SLC9C2: variants seen among roughly 807,000 people sequenced by gnomAD.
SLC9C2 encodes sodium/hydrogen exchanger 11.
SLC9C2 carries 75 observed loss-of-function variants against 140.2 expected under a neutral mutation model. That is an observed-to-expected ratio of 0.53 (90% CI 0.44 to 0.65). SLC9C2 has a LOEUF of 0.65. Ranked by LOEUF, SLC9C2 falls within the 30% of genes least tolerant of loss-of-function variation. The pLI, the probability that SLC9C2 is intolerant of heterozygous loss-of-function variation, is 0.00. For missense variants in SLC9C2, 1,074 were observed against 1,331.8 expected (o/e 0.81, Z 3.01); for synonymous variants, 375 against 420.9 (o/e 0.89, Z 1.34).
At chr1:173,547,082 A>AAAAAAGAAT (rs1224705250) in intron 13 of SLC9C2, among the ~76,000 whole-genome samples, 1 of 152,090 alleles carries the variant, frequency 6.6e-6, no homozygotes, top group African/African-American at 2.4e-5. Context: ...AAAAGAAACT[A>AAAAAAGAAT]AAAAAGAATT....
intron 23 of SLC9C2, among the ~76,000 whole-genome samples, 159 bp from the exon 24 acceptor site, chr1:173,509,858 T>C (rs1047030127): frequency 4.6e-5 from 7 of 152,214 alleles, no homozygotes; most frequent in African/African-American, 1.4e-4. Context: ...ATTGTGAAAA[T>C]GGTTGTTTGC....
chr1:173,546,670 A>C (rs1289713322), intron 13 of SLC9C2, among the ~76,000 whole-genome samples: 4 of 152,174 alleles, frequency 2.6e-5, no homozygotes, highest in Admixed American at 2.0e-4. Context: ...GTTAACAGAG[A>C]TTTGAAGGAC....
At chr1:173,541,936 C>G (rs957941008) in intron 13 of SLC9C2, among the ~76,000 whole-genome samples, 4 of 152,056 alleles carry the variant, frequency 2.6e-5, no homozygotes, top group Non-Finnish European at 4.4e-5. Flanking sequence ...ACCCTAACAT[C>G]ACAATTAAAA....
chr1:173,534,044 AG>A (rs1388634231), intron 16 of SLC9C2, among the ~76,000 whole-genome samples: 1 of 152,170 alleles, frequency 6.6e-6, no homozygotes, highest in Non-Finnish European at 1.5e-5. Flanking sequence ...AGCAATAAAC[AG>A]ATTCATTGCA....
chr1:173,561,523 T>G (rs1664105396), intron 9 of SLC9C2, among the ~76,000 whole-genome samples: 1 of 152,176 alleles, frequency 6.6e-6, no homozygotes, highest in Admixed American at 6.5e-5. Flanking sequence ...TGTTCTACCC[T>G]TAGTTCCAGC....
intron 14 of SLC9C2, among the ~76,000 whole-genome samples, chr1:173,536,409 T>A (rs1376894939): frequency 6.6e-6 from 1 of 152,192 alleles, no homozygotes; most frequent in East Asian, 1.9e-4. Context: ...TATTATCTAA[T>A]GTTTGCCAGG....
chr1:173,550,872 AAGAGAGAGAGAG>A lies in SLC9C2; in HGVS notation c.1298-2332_1298-2321del, dbSNP rs143296396. On this transcript the variant is annotated intron_variant, in intron 11 of 27. Coordinates refer to ENST00000367714, the MANE Select transcript of SLC9C2 (RefSeq NM_178527.4). Reference sequence around the variant, plus strand: ...CCTGGGCAAGATAGTGAGCCGTTGAAAGAGAGAGAGAGAGAGAGAGAGAGAGAGAGAGAGAGA... The same window carrying A: ...CCTGGGCAAGATAGTGAGCCGTTGAAAGAGAGAGAGAGAGAGAGAGAGAGA... Among the ~76,000 whole-genome samples, 9 of 86,476 alleles carry A rather than the reference AAGAGAGAGAGAG, an allele frequency of 1.0e-4. 1 individual carries two copies. Among genetic ancestry groups the A allele is most frequent in the African/African-American group, 2.0e-4 (3 of 15,286 alleles). 56.7% of individuals were successfully genotyped at this position (86,476 alleles called of 152,430 possible).
rs769958136 is a variant in SLC9C2, at chr1:173,503,368, A to AT, written c.3311-43dup. 8 of 1,566,886 alleles carry AT rather than the reference A, an allele frequency of 5.1e-6. No homozygotes were observed. In the African/African-American group the frequency reaches 9.5e-5, roughly 19 times the overall value. On this transcript the variant is annotated intron_variant, in intron 26 of 27. Transcript: ENST00000367714. ...ATTGAACAGAAAAAGTAAATTAGGA[A>AT]TTTAAGAGTAAAGGCAACCAGAAAA...
At chr1:173,589,732 A>T (rs1445103408) in intron 4 of SLC9C2, among the ~76,000 whole-genome samples, 5 of 152,224 alleles carry the variant, frequency 3.3e-5, no homozygotes, top group Admixed American at 3.3e-4. Flanking sequence ...GTTTAAAGGG[A>T]AACTTATAAC....
At chr1:173,542,139 A>T (rs566431460) in intron 13 of SLC9C2, among the ~76,000 whole-genome samples, 1 of 152,304 alleles carries the variant, frequency 6.6e-6, no homozygotes, top group East Asian at 1.9e-4. Flanking sequence ...GAAAGAGAGA[A>T]GAAGCACATA....
rs1571419841 is a variant in SLC9C2, at chr1:173,506,894, A to G, written c.3187T>C (p.Tyr1063His). The change falls in exon 25 of 28, where the codon TAT becomes CAT. Residue 1063 changes from tyrosine to histidine, a missense_variant. Coordinates refer to ENST00000367714, the MANE Select transcript of SLC9C2 (RefSeq NM_178527.4). ...GTAGGTATAATGCAAGGTGCAAAAT[A>G]TGGTTCCTCTGTCTTAGTATCAATT... ...SVIDTKTEEPYFAPCIIPTTC... is the reference protein window; with the variant it reads ...SVIDTKTEEPHFAPCIIPTTC... 2 of 1,613,720 alleles carry G rather than the reference A, an allele frequency of 1.2e-6. No homozygotes were observed. Among genetic ancestry groups the G allele is most frequent in the East Asian group, 2.2e-5 (1 of 44,862 alleles).
intron 9 of SLC9C2, among the ~76,000 whole-genome samples, chr1:173,572,980 C>T (rs535518778): frequency 1.5e-4 from 23 of 152,242 alleles, no homozygotes; most frequent in African/African-American, 5.1e-4. Context: ...GACGCCGATC[C>T]CTCTCATTTT....
intron 13 of SLC9C2, among the ~76,000 whole-genome samples, chr1:173,541,397 C>T (rs1257187947): frequency 2.0e-5 from 3 of 152,124 alleles, no homozygotes; most frequent in Non-Finnish European, 4.4e-5. Context: ...TAGAATCCCA[C>T]ATAATAATAA....
intron 26 of SLC9C2, among the ~76,000 whole-genome samples, chr1:173,504,693 C>T (rs79367172): frequency 7.5e-4 from 114 of 152,192 alleles, no homozygotes; most frequent in South Asian, 1.2e-3. Context: ...GCAAGCTCTT[C>T]CTATCAAGTC....
At chr1:173,537,116 C>T (rs766595364) in intron 13 of SLC9C2, 77 bp from the exon 14 acceptor site, 1 of 1,123,030 alleles carries the variant, frequency 8.9e-7, no homozygotes, top group African/African-American at 1.5e-5. Flanking sequence ...TTACATAGCC[C>T]TCACTATTAT....
intron 9 of SLC9C2, among the ~76,000 whole-genome samples, chr1:173,561,332 G>C (rs932114011): frequency 6.6e-6 from 1 of 152,074 alleles, no homozygotes; most frequent in Non-Finnish European, 1.5e-5. Flanking sequence ...GGAGGTGGGA[G>C]TGAGGGATGT....
chr1:173,543,004 G>T (rs185369795), intron 13 of SLC9C2, among the ~76,000 whole-genome samples: 1 of 152,150 alleles, frequency 6.6e-6, no homozygotes, highest in Non-Finnish European at 1.5e-5. Context: ...GGAAGTTCTG[G>T]CCAGGGCAAT....
Position 173,573,178 on chromosome 1 carries a change from T to A in SLC9C2, c.1046+4A>T. On this transcript the variant is annotated splice_donor_region_variant and intron_variant, in intron 9 of 27. Coordinates refer to ENST00000367714, the MANE Select transcript of SLC9C2 (RefSeq NM_178527.4). Reference sequence around the variant, plus strand: ...GTAAACAAACTTTAAAATATTATTCTTACCTTACCAAATTCACTGTTGTAA... The same window carrying A: ...GTAAACAAACTTTAAAATATTATTCATACCTTACCAAATTCACTGTTGTAA... 6.5e-7 allele frequency: 1 copy of A among 1,529,778 alleles called. No homozygotes were observed. The highest frequency in any genetic ancestry group is 2.3e-5 in the East Asian group (1 of 44,154). 94.8% of individuals were successfully genotyped at this position (1,529,778 alleles called of 1,614,324 possible).
intron 3 of SLC9C2, 132 bp from the exon 4 acceptor site, chr1:173,598,164 G>A: frequency 1.1e-6 from 1 of 929,950 alleles, no homozygotes; most frequent in African/African-American, 1.7e-5. Context: ...ATCTACAAGG[G>A]CAGTCCTAAG....
Sources: allele counts gnomAD v4.1 joint callset (sites outside exome capture counted in the v4.1 genomes callset), GRCh38; gene constraint gnomAD v4.1.1; transcripts MANE v1.5; gene names NCBI Gene and HGNC (gene_info 2026-07-23, HGNC 2026-07-21).